The following NEK10 variants were observed in gnomAD, a reference collection of about 807,000 sequenced individuals.
NEK10 encodes the protein serine/threonine-protein kinase Nek10.
A neutral mutation model predicts 159.8 loss-of-function variants in NEK10; 122 were observed. The observed-to-expected ratio is 0.76, with a 90% CI of 0.66 to 0.89. The LOEUF (loss-of-function observed/expected upper bound fraction) is 0.89, where lower values mean the gene tolerates loss of function less well. NEK10 is among the 40% of genes least tolerant of loss of function. The pLI, the probability that NEK10 is intolerant of heterozygous loss-of-function variation, is 0.00. For synonymous variants in NEK10, 466 were observed against 457.1 expected (o/e 1.02, Z -0.25); for missense variants, 1,342 against 1,323.1 (o/e 1.01, Z -0.22).
chr3:27,179,218 T>C (rs564386088), intron 26 of NEK10, among the ~76,000 whole-genome samples: 1 of 152,294 alleles, frequency 6.6e-6, no homozygotes, highest in Admixed American at 6.5e-5. Flanking sequence ...AAATAACTAA[T>C]TTATATGGAT....
At chr3:27,295,485 A>AT (rs774480683) in intron 15 of NEK10, 128 bp downstream of exon 15, 109 of 1,089,598 alleles carry the variant, frequency 1.0e-4, no homozygotes, top group Non-Finnish European at 1.2e-4. Context: ...CTTGCCAGAT[A>AT]TTTTTCCCTC....
intron 23 of NEK10, among the ~76,000 whole-genome samples, chr3:27,220,578 G>A (rs1350357256): frequency 6.6e-6 from 1 of 151,850 alleles, no homozygotes. Context: ...TCTTGCGGGG[G>A]TGGGGGGATC....
In NEK10 at chr3:27,256,297, A is replaced by C. The variant is rs536139425; in HGVS notation, c.2089T>G (p.Cys697Gly). The change falls in exon 23 of 36, where the codon TGC becomes GGC. Residue 697 changes from cysteine to glycine, a missense_variant and splice_region_variant. Physicochemically the swap from Cys to Gly is radical, Grantham distance 159 (BLOSUM62 -3). Coordinates refer to ENST00000691995, the MANE Select transcript of NEK10 (RefSeq NM_001394966.1). Reference protein sequence around the residue: ...TSVVGTILYSCPEVLKSEPYG... With the variant: ...TSVVGTILYSGPEVLKSEPYG... The stretch of plus-strand genomic sequence containing the variant: ...GAGCCATAAAAGAATTGTCCTTACC[A>C]AGAATACAGGATTGTTCCAACCACA... 2.7e-6 allele frequency: 4 copies of C among 1,484,904 alleles called. No homozygotes were observed. The highest frequency in any genetic ancestry group is 3.6e-6 in the Non-Finnish European group (4 of 1,107,304). The allele number at this position is 1,484,904 out of a possible 1,614,324, so 92.0% of individuals were successfully genotyped here.
At chr3:27,225,740 A>G (rs1952569034) in intron 23 of NEK10, among the ~76,000 whole-genome samples, 3 of 152,172 alleles carry the variant, frequency 2.0e-5, no homozygotes, top group Admixed American at 2.0e-4. Context: ...CCCTGGCCCA[A>G]ACTGGACTCT....
intron 1 of NEK10, among the ~76,000 whole-genome samples, chr3:27,359,398 A>C (rs1312191169): frequency 6.6e-6 from 1 of 152,188 alleles, no homozygotes; most frequent in African/African-American, 2.4e-5. Context: ...GTTTCTTCTG[A>C]TGAATAATGA....
At chr3:27,256,222 C>G in intron 23 of NEK10, 74 bp downstream of exon 23, 1 of 654,854 alleles carries the variant, frequency 1.5e-6, no homozygotes, top group Non-Finnish European at 2.4e-6. Flanking sequence ...CTTTCCTTTG[C>G]AAGTCAATAA....
At chr3:27,296,739 G>A (rs2043382798) in intron 14 of NEK10, among the ~76,000 whole-genome samples, 1 of 151,980 alleles carries the variant, frequency 6.6e-6, no homozygotes, top group Non-Finnish European at 1.5e-5. Context: ...AGATTAATTA[G>A]TGGATTATAC....
At chr3:27,193,803 C>T (rs1176970045) in intron 25 of NEK10, among the ~76,000 whole-genome samples, 1 of 151,958 alleles carries the variant, frequency 6.6e-6, no homozygotes, top group Non-Finnish European at 1.5e-5. Context: ...GTACTTAAAA[C>T]TATTGTAATT....
intron 5 of NEK10, among the ~76,000 whole-genome samples, chr3:27,339,551 T>A (rs555687752): frequency 6.6e-6 from 1 of 151,784 alleles, no homozygotes; most frequent in South Asian, 2.1e-4. Flanking sequence ...GAGGCTAAGG[T>A]GGAAGGATCA....
At chr3:27,174,352 T>C (rs1237471419) in intron 28 of NEK10, 87 bp downstream of exon 28, 71 of 1,594,596 alleles carry the variant, frequency 4.5e-5, no homozygotes, top group Non-Finnish European at 5.8e-5. Context: ...GTTATGTATA[T>C]GGTGATATTT....
chr3:27,338,930 A>G (rs2047007297), intron 5 of NEK10, among the ~76,000 whole-genome samples: 1 of 152,204 alleles, frequency 6.6e-6, no homozygotes, highest in African/African-American at 2.4e-5. Context: ...ATTAAAACAA[A>G]AATAGACAAA....
At chr3:27,224,045 G>C (rs1264821974) in intron 23 of NEK10, among the ~76,000 whole-genome samples, 2 of 152,186 alleles carry the variant, frequency 1.3e-5, no homozygotes, top group African/African-American at 4.8e-5. Context: ...ATCAAGTTAA[G>C]ATGAGGTCAT....
At position 27,137,994 on chromosome 3, in the gene NEK10, C is replaced by T. The variant is rs150192122; in HGVS notation, c.2970+3488G>A. On this transcript the variant is annotated intron_variant, in intron 31 of 35. Transcript: ENST00000691995. ...CAGCTTGTGATACTGGAACATTTCT[C>T]CCTTGCCATCTAGCAGGATGCTAAG... Among the ~76,000 whole-genome samples, 628 of 152,344 alleles carry T rather than the reference C, an allele frequency of 4.1e-3. 3 individuals carry two copies. Among genetic ancestry groups the T allele is most frequent in the African/African-American group, 0.014 (597 of 41,564 alleles).
chr3:27,320,423 C>T (rs956610308), intron 6 of NEK10, among the ~76,000 whole-genome samples: 3 of 152,172 alleles, frequency 2.0e-5, no homozygotes, highest in African/African-American at 7.2e-5. Context: ...ATTAATATTA[C>T]ACATATAATG....
intron 26 of NEK10, among the ~76,000 whole-genome samples, chr3:27,186,697 T>C (rs1169530691): frequency 1.3e-5 from 2 of 152,220 alleles, no homozygotes; most frequent in East Asian, 3.8e-4. Context: ...TGGTATACTT[T>C]GTACACATAG....
chr3:27,215,567 G>A (rs1951428431), intron 23 of NEK10: 1 of 469,662 alleles, frequency 2.1e-6, no homozygotes, highest in African/African-American at 2.0e-5. Flanking sequence ...CTTGGATGTT[G>A]GCAGTTTAAA....
At chr3:27,330,632 A>C (rs1356387617) in intron 5 of NEK10, among the ~76,000 whole-genome samples, 1 of 152,188 alleles carries the variant, frequency 6.6e-6, no homozygotes, top group Non-Finnish European at 1.5e-5. Flanking sequence ...ATTTAATGCA[A>C]AGAAATTCCA....
At position 27,267,897 on chromosome 3, in the gene NEK10, C is replaced by G. The variant is rs78297256; in HGVS notation, c.2015-11526G>C. Among the ~76,000 whole-genome samples the G allele has an allele frequency of 8.8e-3, 1,344 of 152,286 alleles. 24 individuals are homozygous for G. The highest frequency in any genetic ancestry group is 0.03 in the African/African-American group (1,248 of 41,552). Reference sequence around the variant, plus strand: ...TGAAAGTTAGGCCTCTGGCATCAAACAGCCATGTTGTAATGGAAAAGCTCT... The same window carrying G: ...TGAAAGTTAGGCCTCTGGCATCAAAGAGCCATGTTGTAATGGAAAAGCTCT... On this transcript the variant is annotated intron_variant, in intron 22 of 35. Coordinates refer to ENST00000691995, the MANE Select transcript of NEK10 (RefSeq NM_001394966.1).
chr3:27,172,018 A>G, intron 28 of NEK10, 145 bp from the exon 29 acceptor site: 2 of 904,786 alleles, frequency 2.2e-6, no homozygotes, highest in Admixed American at 2.9e-5. Flanking sequence ...GGGACTGTAA[A>G]TTAGTGTAGC....
Sources: allele counts gnomAD v4.1 joint callset (sites outside exome capture counted in the v4.1 genomes callset), GRCh38; gene constraint gnomAD v4.1.1; transcripts MANE v1.5; gene names NCBI Gene and HGNC (gene_info 2026-07-23, HGNC 2026-07-21).